CTNNA3: variants seen among roughly 807,000 people sequenced by gnomAD.
CTNNA3 encodes the protein catenin alpha-3.
CTNNA3 carries 76 observed loss-of-function variants against 95.7 expected under a neutral mutation model. That is an observed-to-expected ratio of 0.79 (90% CI 0.66 to 0.96). The LOEUF is 0.96. CTNNA3 is among the 40% of genes least tolerant of loss of function. CTNNA3 has a pLI of 0.00. For synonymous variants in CTNNA3, 431 were observed against 374.4 expected, an observed-to-expected ratio of 1.15 and a Z score of -1.74; for missense variants, 1,191 against 1,089.8, an observed-to-expected ratio of 1.09 and a Z score of -1.31.
intron 9 of CTNNA3, among the ~76,000 whole-genome samples, chr10:66,698,086 C>A (rs1241476841): frequency 6.6e-6 from 1 of 152,156 alleles, no homozygotes; most frequent in African/African-American, 2.4e-5. Context: ...TGCCTTTTTA[C>A]CCATGCCATA....
chr10:67,351,126 T>TAG (rs1842621268), intron 5 of CTNNA3, among the ~76,000 whole-genome samples: 1 of 4,546 alleles, frequency 2.2e-4, no homozygotes, highest in Non-Finnish European at 2.9e-3. Flanking sequence ...CTCAAAAGGC[T>TAG]ATAGTATGAT....
intron 12 of CTNNA3, among the ~76,000 whole-genome samples, chr10:66,330,819 C>G (rs2092316785): frequency 6.8e-6 from 1 of 147,628 alleles, no homozygotes; most frequent in South Asian, 2.3e-4. Context: ...CTCTGATGGC[C>G]AGTGATGATG....
At chr10:66,223,221 A>G (rs1399807466) in intron 13 of CTNNA3, among the ~76,000 whole-genome samples, 1 of 152,060 alleles carries the variant, frequency 6.6e-6, no homozygotes, top group Admixed American at 6.5e-5. Context: ...ATAAGTAAGG[A>G]ATAAAACTCT....
intron 7 of CTNNA3, among the ~76,000 whole-genome samples, chr10:66,970,360 T>TAC (rs1849648629): frequency 6.6e-6 from 1 of 152,130 alleles, no homozygotes; most frequent in African/African-American, 2.4e-5. Flanking sequence ...ATTACCTGCA[T>TAC]ACACAGTCAG....
In CTNNA3 at chr10:67,179,383, G is replaced by A. The variant is rs545118045; in HGVS notation, c.1047+934C>T. Among the ~76,000 whole-genome samples, 114 of 149,820 alleles carry A rather than the reference G, an allele frequency of 7.6e-4. 1 individual carries two copies. Among genetic ancestry groups the A allele is most frequent in the African/African-American group, 2.7e-3 (110 of 40,696 alleles). On this transcript the variant is annotated intron_variant, in intron 7 of 17. Transcript: ENST00000433211. Reference sequence around the variant, plus strand: ...TAGTTACAGACATTCCATAGATGAAGAGATATGTATTTCATATATATGTAT... The same window carrying A: ...TAGTTACAGACATTCCATAGATGAAAAGATATGTATTTCATATATATGTAT...
chr10:67,567,763 C>T (rs1841858570), intron 3 of CTNNA3, among the ~76,000 whole-genome samples: 1 of 152,062 alleles, frequency 6.6e-6, no homozygotes, highest in African/African-American at 2.4e-5. Context: ...AAGCTTGCCA[C>T]TGCTAAACTG....
At chr10:67,338,301 G>A (rs1167831369) in intron 5 of CTNNA3, among the ~76,000 whole-genome samples, 2 of 152,046 alleles carry the variant, frequency 1.3e-5, no homozygotes, top group East Asian at 1.9e-4. Context: ...GGTGTGGGGG[G>A]AGGTGCCATA....
chr10:66,817,592 A>G (rs1320008320), intron 7 of CTNNA3, among the ~76,000 whole-genome samples: 2 of 152,022 alleles, frequency 1.3e-5, no homozygotes, highest in Non-Finnish European at 2.9e-5. Flanking sequence ...CCTAGAAACT[A>G]GCTACACTCA....
At chr10:67,044,141 A>T (rs1854579776) in intron 7 of CTNNA3, among the ~76,000 whole-genome samples, 2 of 151,718 alleles carry the variant, frequency 1.3e-5, no homozygotes, top group Non-Finnish European at 2.9e-5. Context: ...TCCCATTTTT[A>T]TGTTCACATG....
intron 9 of CTNNA3, among the ~76,000 whole-genome samples, chr10:66,692,505 C>T (rs1218793639): frequency 6.6e-5 from 10 of 152,006 alleles, no homozygotes; most frequent in South Asian, 2.1e-4. Flanking sequence ...CTGAAAGTGA[C>T]GGGGAGAATG....
chr10:67,615,043 C>T (rs540685273), intron 2 of CTNNA3, among the ~76,000 whole-genome samples: 25 of 152,282 alleles, frequency 1.6e-4, no homozygotes, highest in Admixed American at 2.6e-4. Context: ...TCTCCAACTA[C>T]GGTCACATTC....
intron 5 of CTNNA3, among the ~76,000 whole-genome samples, chr10:67,290,984 A>T (rs919370179): frequency 2.0e-5 from 3 of 152,104 alleles, no homozygotes; most frequent in African/African-American, 7.2e-5. Flanking sequence ...ACCCTTTCTT[A>T]TGTAATATAA....
intron 7 of CTNNA3, among the ~76,000 whole-genome samples, chr10:67,050,809 T>A (rs1855045177): frequency 6.6e-6 from 1 of 152,246 alleles, no homozygotes; most frequent in African/African-American, 2.4e-5. Flanking sequence ...TGATTTTTAT[T>A]CAATGGCTCA....
chr10:66,416,085 A>G (rs188941867), intron 11 of CTNNA3, among the ~76,000 whole-genome samples: 1 of 151,142 alleles, frequency 6.6e-6, no homozygotes, highest in Admixed American at 6.6e-5. Flanking sequence ...TCAGGATAAG[A>G]ATGAGAAATG....
chr10:67,095,755 C>T (rs1857952459), intron 7 of CTNNA3, among the ~76,000 whole-genome samples: 3 of 151,778 alleles, frequency 2.0e-5, no homozygotes, highest in African/African-American at 4.8e-5. Flanking sequence ...ACCCATAACA[C>T]ATTACAGAGC....
At chr10:65,993,938 G>A (rs1163751648) in intron 15 of CTNNA3, among the ~76,000 whole-genome samples, 1 of 152,096 alleles carries the variant, frequency 6.6e-6, no homozygotes, top group Non-Finnish European at 1.5e-5. Flanking sequence ...GTTTCACCAT[G>A]TTGGCCAGAC....
At chr10:67,675,360 A>T (rs1445273453) in intron 1 of CTNNA3, among the ~76,000 whole-genome samples, 1 of 152,144 alleles carries the variant, frequency 6.6e-6, no homozygotes. Flanking sequence ...GGTTGGCTAA[A>T]GATTGGCTAA....
intron 7 of CTNNA3, among the ~76,000 whole-genome samples, chr10:66,817,259 C>G (rs6480218): frequency 0.85 from 128,932 of 151,856 alleles, 54,845 homozygotes; most frequent in East Asian, 0.97. Context: ...TTTTAAAAAA[C>G]AAGTTAGCAA....
At chr10:67,217,180 G>T (rs1864409466) in intron 6 of CTNNA3, among the ~76,000 whole-genome samples, 1 of 152,150 alleles carries the variant, frequency 6.6e-6, no homozygotes, top group Non-Finnish European at 1.5e-5. Context: ...TTACTTCATA[G>T]TATTATATTT....
Sources: gnomAD v4.1 joint callset for allele counts (sites outside exome capture counted in the v4.1 genomes callset) on GRCh38, gnomAD v4.1.1 for gene constraint, MANE v1.5 for transcripts, NCBI Gene and HGNC (gene_info 2026-07-23, HGNC 2026-07-21) for gene names.